Variants in TNKS1BP1 observed in about 807,000 individuals in gnomAD.
The protein encoded by TNKS1BP1 is 182 kDa tankyrase-1-binding protein.
A neutral mutation model predicts 141.1 loss-of-function variants in TNKS1BP1; 48 were observed. That is an observed-to-expected ratio of 0.34 (90% CI 0.27 to 0.43). TNKS1BP1 has a LOEUF of 0.43. Among genes scored for constraint, TNKS1BP1 ranks in the 20% least tolerant of loss-of-function variants. TNKS1BP1 has a pLI of 1.00. For missense variants in TNKS1BP1, 2,149 were observed against 2,226.0 expected (o/e 0.97, Z 0.70); for synonymous variants, 875 against 898.2 (o/e 0.97, Z 0.46).
At chr11:57,305,509 A>G (rs911034655) in intron 6 of TNKS1BP1, among the ~76,000 whole-genome samples, 3 of 152,094 alleles carry the variant, frequency 2.0e-5, no homozygotes, top group African/African-American at 4.8e-5. Flanking sequence ...AGAGGCAAAC[A>G]TGGCGCTGGA....
In TNKS1BP1 at chr11:57,310,575, AAC is replaced by A. The variant is rs1565042051; in HGVS notation, c.2155-21_2155-20del. 1 of 1,585,398 alleles carries A rather than the reference AAC, an allele frequency of 6.3e-7. No individual in the cohort carries two copies. The highest frequency in any genetic ancestry group is 1.1e-5 in the South Asian group (1 of 88,928). ...GGAGTCCCTGGGAATAAGAAAAAAA[AAC>A]AGACAAAGAAACAACGATTAGATTC... On this transcript the variant is annotated intron_variant, in intron 5 of 11. Coordinates refer to ENST00000358252, the MANE Select transcript of TNKS1BP1 (RefSeq NM_033396.3).
rs1238064067 is a variant in TNKS1BP1 at position 57,312,548 on chromosome 11, T to C, written c.2140A>G (p.Ser714Gly). The change falls in exon 5 of 12, where the codon AGT (serine) becomes GGT (glycine). Residue 714 changes from serine to glycine, a missense_variant. Coordinates refer to ENST00000358252, the MANE Select transcript of TNKS1BP1 (RefSeq NM_033396.3). ...CCCATTCTCACCTCAGAGCAGGTAC[T>C]TGGGGACTGTGTGTCCTTCAGCTCA... ...GAELKDTQSP[S>G]TCSEGLLGWS... 9 of 1,498,264 alleles carry C rather than the reference T, an allele frequency of 6.0e-6. No individual in the cohort carries two copies. The highest frequency in any genetic ancestry group is 7.1e-6 in the Non-Finnish European group (8 of 1,122,784). The allele number at this position is 1,498,264 out of a possible 1,614,324, so 92.8% of individuals were successfully genotyped here.
rs1483861800 is a variant in TNKS1BP1, at chr11:57,300,731, A to G, written c.5130-131T>C. The G allele has an allele frequency of 2.7e-6, 4 of 1,504,592 alleles. 1 individual carries two copies. 93.2% of individuals were successfully genotyped at this position (1,504,592 alleles called of 1,614,324 possible). A position where few individuals can be genotyped will look rare whatever the true frequency, so the allele number is the denominator to read the frequency against. On this transcript the variant is annotated intron_variant, in intron 10 of 11. Coordinates refer to ENST00000358252, the MANE Select transcript of TNKS1BP1 (RefSeq NM_033396.3). ...CTGGGGCCTGGCTGCAGGGACCCAA[A>G]TTCTGACACCATCTTCATACCGTTC...
Position 57,309,477 on chromosome 11 carries a change from A to G in TNKS1BP1, c.3234T>C (p.Asp1078=). 2 of 1,613,800 alleles carry G rather than the reference A, an allele frequency of 1.2e-6. No individual in the cohort carries two copies. Among genetic ancestry groups the G allele is most frequent in the Non-Finnish European group, 1.7e-6 (2 of 1,179,978 alleles). The change falls in exon 6 of 12, where the codon GAT becomes GAC. Residue 1078 remains aspartate (D), a synonymous_variant. Transcript: ENST00000358252. This position sits in a 1 kb window ranked among gnomAD's most constrained non-coding sequence, Gnocchi z 4.3. ...AQGPGSADLE[D]GEMGKRGWVG... ...CCCAGCCTCGCTTTCCCATCTCCCC[A>G]TCTTCCAGGTCAGCACTGCCAGGGC...
chr11:57,320,738 G>A (rs1385539094), intron 2 of TNKS1BP1, 26 bp from the exon 3 acceptor site: 2 of 1,526,228 alleles, frequency 1.3e-6, no homozygotes, highest in Admixed American at 4.1e-5. Flanking sequence ...GGTTGGTGGG[G>A]GAGCTGTCAG....
chr11:57,310,321 C>T lies in TNKS1BP1; in HGVS notation c.2390G>A (p.Gly797Asp), dbSNP rs377490353. The T allele has an allele frequency of 1.1e-5, 17 of 1,613,978 alleles. No individual in the cohort carries two copies. The highest frequency in any genetic ancestry group is 1.4e-5 in the Non-Finnish European group (17 of 1,180,028). ...GCTGCTGGCCTCCATCTCCTCCTGG[C>T]CGATGCCACACCTGCTGGCCCACTC... ...TREWASRCGI[G>D]QEEMEASSSQ... Residue 797 changes from glycine (G) to aspartate (D), a missense_variant, in exon 6 of 12, where the codon GGC becomes GAC. By Grantham distance (94) the Gly-to-Asp change is moderately conservative. Transcript: ENST00000358252.
In TNKS1BP1 at chr11:57,313,408, C is replaced by T. The variant is rs145672238; in HGVS notation, c.1280G>A (p.Arg427Gln). 7,385 of 1,611,660 alleles carry T rather than the reference C, an allele frequency of 4.6e-3. 441 individuals carry two copies. The Admixed American group carries it at 0.11, about 23-fold the overall frequency. The change falls in exon 5 of 12, where the codon CGA becomes CAA. Residue 427 changes from arginine to glutamine, a missense_variant. Coordinates refer to ENST00000358252, the MANE Select transcript of TNKS1BP1 (RefSeq NM_033396.3). ...HLRPTSLVQRRFSEGVLQSPS... is the reference protein window; with the variant it reads ...HLRPTSLVQRQFSEGVLQSPS... ...TGACTGGAGCACACCTTCAGAGAAT[C>T]GGCGCTGAACCAGGCTGGTGGGGCG...
intron 1 of TNKS1BP1, among the ~76,000 whole-genome samples, chr11:57,323,256 C>T (rs1012520046): frequency 6.6e-6 from 1 of 152,114 alleles, no homozygotes; most frequent in Admixed American, 6.5e-5. Context: ...CATTCCTTCA[C>T]TCTCCCAGGC....
chr11:57,301,296 T>G (rs966001416), intron 9 of TNKS1BP1, among the ~76,000 whole-genome samples: 2 of 152,120 alleles, frequency 1.3e-5, no homozygotes, highest in Admixed American at 6.5e-5. Flanking sequence ...ACAAAGCCAG[T>G]GGTGACTTCC....
chr11:57,311,537 G>A (rs1219562561), intron 5 of TNKS1BP1: 1 of 898,964 alleles, frequency 1.1e-6, no homozygotes. Context: ...CCGCCCAGGA[G>A]CCAGTTGAGT....
chr11:57,309,722 C>T lies in TNKS1BP1; in HGVS notation c.2989G>A (p.Glu997Lys). Reference sequence around the variant, plus strand: ...ACACTTGGAATCTTCTTCTCAAATTCCTCATCCTGTTGCTGGGCTTCCTCG... The same window carrying T: ...ACACTTGGAATCTTCTTCTCAAATTTCTCATCCTGTTGCTGGGCTTCCTCG... The part of the protein sequence containing the change: ...SPEEAQQQDE[E>K]FEKKIPSVED... The change falls in exon 6 of 12, where the codon GAA becomes AAA. Residue 997 changes from glutamate to lysine, a missense_variant. Transcript: ENST00000358252. The surrounding 1 kb of genome is among the most constrained non-coding windows in gnomAD (Gnocchi z 4.3). The T allele has an allele frequency of 6.2e-7, 1 of 1,614,232 alleles. No homozygotes were observed. The highest frequency in any genetic ancestry group is 8.5e-7 in the Non-Finnish European group (1 of 1,180,042).
rs768662992 is a variant in TNKS1BP1 at position 57,309,060 on chromosome 11, C to G, written c.3651G>C (p.Pro1217=). 1.9e-5 allele frequency: 31 copies of G among 1,614,040 alleles called. No individual in the cohort carries two copies. Among genetic ancestry groups the G allele is most frequent in the Admixed American group, 1.2e-4 (7 of 60,004 alleles). ...CCTTCTCCCCAACTCCGATTCCCCC[C>G]GGCTCTTCAGACCCTCCACTTTCCA... ...GCLESGGSEE[P]GGIGVGEKDW... is the part of the protein sequence containing the mutation. The change falls in exon 6 of 12, where the codon CCG becomes CCC. Residue 1217 remains proline (P), a synonymous_variant. Transcript: ENST00000358252. The surrounding 1 kb of genome is among the most constrained non-coding windows in gnomAD (Gnocchi z 4.3).
chr11:57,307,918 A>C (rs10896601), intron 6 of TNKS1BP1, among the ~76,000 whole-genome samples: 78,890 of 152,068 alleles, frequency 0.52, 22,641 homozygotes, highest in African/African-American at 0.78. Context: ...AGCACCAAGT[A>C]CCTAACCTCT....
chr11:57,320,888 C>T (rs1485806537), intron 2 of TNKS1BP1, among the ~76,000 whole-genome samples, 176 bp from the exon 3 acceptor site: 3 of 152,210 alleles, frequency 2.0e-5, no homozygotes, highest in Non-Finnish European at 4.4e-5. Flanking sequence ...TACACACATC[C>T]CCAAAGCATC....
chr11:57,301,168 A>C, intron 9 of TNKS1BP1, 127 bp from the exon 10 acceptor site: 2 of 1,007,614 alleles, frequency 2.0e-6, no homozygotes, highest in South Asian at 2.0e-5. Context: ...CAGTCCTTTC[A>C]CCCCAAAGGA....
At chr11:57,305,467 C>T (rs752396516) in intron 6 of TNKS1BP1, among the ~76,000 whole-genome samples, 3 of 152,160 alleles carry the variant, frequency 2.0e-5, no homozygotes, top group Non-Finnish European at 4.4e-5. Context: ...AGGACCAAGA[C>T]GGTATCCCAC....
Position 57,321,837 on chromosome 11 carries a change from G to A in TNKS1BP1, c.49C>T (p.Pro17Ser). 1.2e-6 allele frequency: 2 copies of A among 1,614,066 alleles called. No homozygotes were observed. Among genetic ancestry groups the A allele is most frequent in the Non-Finnish European group, 1.7e-6 (2 of 1,180,014 alleles). ...RESSAMASPL[P>S]REMEEELVPT... ...ACCAGCTCCTCCTCCATCTCCCGGG[G>A]CAGTGGGGAAGCCATGGCTGAGCTT... Residue 17 changes from proline (P) to serine (S), a missense_variant, in exon 2 of 12, where the codon CCC (proline) becomes TCC (serine). Physicochemically the swap from Pro to Ser is moderately conservative, Grantham distance 74. Coordinates refer to ENST00000358252, the MANE Select transcript of TNKS1BP1 (RefSeq NM_033396.3).
intron 2 of TNKS1BP1, among the ~76,000 whole-genome samples, 200 bp from the exon 3 acceptor site, chr11:57,320,912 A>G (rs903877985): frequency 1.3e-5 from 2 of 152,154 alleles, no homozygotes; most frequent in Non-Finnish European, 2.9e-5. Context: ...TCCCTTCTTC[A>G]AACTCCCAAA....
chr11:57,308,236 T>C (rs143452453), intron 6 of TNKS1BP1, among the ~76,000 whole-genome samples, 159 bp downstream of exon 6: 1 of 152,330 alleles, frequency 6.6e-6, no homozygotes, highest in East Asian at 1.9e-4. Context: ...TCAATTATTT[T>C]TAAGTAGAAC....
Sources: allele counts gnomAD v4.1 joint callset (sites outside exome capture counted in the v4.1 genomes callset), GRCh38; gene constraint gnomAD v4.1.1; non-coding constraint Gnocchi (gnomAD v3.1); transcripts MANE v1.5; gene names NCBI Gene and HGNC (gene_info 2026-07-23, HGNC 2026-07-21).